Variants in NHSL1 observed in about 807,000 individuals in gnomAD.
NHSL1 encodes the protein NHS like 1.
NHSL1 carries 48 observed loss-of-function variants against 95.0 expected under a neutral mutation model. The observed-to-expected ratio is 0.51, with a 90% CI of 0.40 to 0.64. The LOEUF is 0.64. Among genes scored for constraint, NHSL1 ranks in the 30% least tolerant of loss-of-function variants. The pLI is 0.00. For synonymous variants in NHSL1, 783 were observed against 833.9 expected (o/e 0.94, Z 1.05); for missense variants, 1,971 against 2,077.7 (o/e 0.95, Z 1.00).
Position 138,430,926 on chromosome 6 carries a change from G to T in NHSL1, c.3419C>A (p.Thr1140Lys). ...QPASVTSSLP[T>K]PAKSSSQGDH... ...ACCCTGACTCGAGCTCTTGGCAGGC[G>T]TCGGAAGCGAGCTTGTCACAGAGGC... Residue 1140 changes from threonine (T) to lysine (K), a missense_variant, in exon 6 of 8, where the codon ACG (threonine) becomes AAG (lysine). Thr to Lys is a moderately conservative substitution (Grantham distance 78, BLOSUM62 -1). Coordinates refer to ENST00000343505, the MANE Select transcript of NHSL1 (RefSeq NM_001144060.2). The surrounding 1 kb of genome is among the most constrained non-coding windows in gnomAD (Gnocchi z 4.7). 8 of 1,551,562 alleles carry T rather than the reference G, an allele frequency of 5.2e-6. No homozygotes were observed. The highest frequency in any genetic ancestry group is 7.0e-6 in the Non-Finnish European group (8 of 1,146,878).
intron 1 of NHSL1, among the ~76,000 whole-genome samples, chr6:138,570,066 G>A (rs576434204): frequency 3.9e-5 from 6 of 152,274 alleles, no homozygotes; most frequent in Middle Eastern, 3.4e-3. Flanking sequence ...CAAGTCACAT[G>A]TACAGTATTT....
At chr6:138,653,975 C>T (rs1785124690) in intron 1 of NHSL1, among the ~76,000 whole-genome samples, 1 of 152,196 alleles carries the variant, frequency 6.6e-6, no homozygotes, top group South Asian at 2.1e-4. Flanking sequence ...ACAGCTCCCT[C>T]TATGCAAATA....
chr6:138,496,022 C>T (rs1173483872), intron 2 of NHSL1, among the ~76,000 whole-genome samples, 197 bp downstream of exon 2: 2 of 152,084 alleles, frequency 1.3e-5, no homozygotes, highest in Admixed American at 1.3e-4. Context: ...ATGGGAGCTA[C>T]AATTCAAGAT....
chr6:138,613,758 C>T (rs764742628), intron 1 of NHSL1, among the ~76,000 whole-genome samples: 8 of 152,142 alleles, frequency 5.3e-5, no homozygotes, highest in Non-Finnish European at 1.0e-4. Flanking sequence ...ATTTAAGTCC[C>T]TGGGCAGTAA....
At chr6:138,574,876 A>G (rs1783943261), upstream of NHSL1, among the ~76,000 whole-genome samples, 1 of 151,898 alleles carries the variant, frequency 6.6e-6, no homozygotes, top group South Asian at 2.1e-4. Context: ...AAAATAAAAA[A>G]TTATATATAT....
At chr6:138,456,473 C>G (rs1777618847) in intron 3 of NHSL1, among the ~76,000 whole-genome samples, 1 of 152,154 alleles carries the variant, frequency 6.6e-6, no homozygotes, top group South Asian at 2.1e-4. Flanking sequence ...TAACAGGAAA[C>G]AGGGAAATTT....
Position 138,431,837 on chromosome 6 carries a change from G to C in NHSL1, c.2508C>G (p.Ile836Met). 1 of 1,551,700 alleles carries C rather than the reference G, an allele frequency of 6.4e-7. No homozygotes were observed. The highest frequency in any genetic ancestry group is 8.7e-7 in the Non-Finnish European group (1 of 1,146,980). The stretch of plus-strand genomic sequence containing the variant: ...CTCTGTGTGACTTCTCTGGTGACAT[G>C]ATCTTTGGTTTGACTGAACCACCGG... Reference protein sequence around the residue: ...QVPGGSVKPKIMSPEKSHRVI... With the variant: ...QVPGGSVKPKMMSPEKSHRVI... Residue 836 changes from isoleucine to methionine, a missense_variant, in exon 6 of 8, where the codon ATC becomes ATG. Transcript: ENST00000343505. The surrounding 1 kb of genome is among the most constrained non-coding windows in gnomAD (Gnocchi z 4.0).
chr6:138,432,776 G>C lies in NHSL1; in HGVS notation c.1569C>G (p.Asn523Lys). 6.4e-7 allele frequency: 1 copy of C among 1,551,694 alleles called. No homozygotes were observed. Among genetic ancestry groups the C allele is most frequent in the Non-Finnish European group, 8.7e-7 (1 of 1,147,002 alleles). Reference sequence around the variant, plus strand: ...CTTGGGGGTGGGCTGGGAAGGCCAGGTTGTTTCTACAATTATACGGCATAG... The same window carrying C: ...CTTGGGGGTGGGCTGGGAAGGCCAGCTTGTTTCTACAATTATACGGCATAG... The part of the protein sequence containing the change: ...SQAMPYNCRN[N>K]LAFPAHPQDV... Residue 523 changes from asparagine to lysine, a missense_variant, in exon 6 of 8, where the codon AAC (asparagine) becomes AAG (lysine). By Grantham distance (94) the Asn-to-Lys change is moderately conservative. This residue lies in a region of NHSL1 where 1,602 missense variants were observed against 1,654.5 expected (regional missense o/e 0.97). Coordinates refer to ENST00000343505, the MANE Select transcript of NHSL1 (RefSeq NM_001144060.2). This position sits in a 1 kb window ranked among gnomAD's most constrained non-coding sequence, Gnocchi z 4.4.
chr6:138,611,202 A>C (rs1210558974), intron 1 of NHSL1, among the ~76,000 whole-genome samples: 1 of 152,228 alleles, frequency 6.6e-6, no homozygotes, highest in Non-Finnish European at 1.5e-5. Flanking sequence ...ATGAATGCTT[A>C]GTAGGAAACC....
chr6:138,526,093 CA>C lies in NHSL1; in HGVS notation c.16+19529del, dbSNP rs10681744. 6.7e-3 allele frequency among the ~76,000 whole-genome samples: 738 copies of C among 109,792 alleles called. 6 individuals are homozygous for C. Among genetic ancestry groups the C allele is most frequent in the African/African-American group, 0.019 (571 of 30,206 alleles). The allele number at this position is 109,792 out of a possible 152,430, so 72.0% of individuals were successfully genotyped here. ...GAGCAACAGAGCGAGACTCTGTCTC[CA>C]AAAAAAAAAAAAAAGAAAATATTTG... On this transcript the variant is annotated intron_variant, in intron 1 of 4. Transcript: ENST00000342260.
At chr6:138,559,069 A>G (rs1438464266) in intron 1 of NHSL1, among the ~76,000 whole-genome samples, 1 of 152,114 alleles carries the variant, frequency 6.6e-6, no homozygotes, top group Non-Finnish European at 1.5e-5. Context: ...AAAAAAAAAA[A>G]AGAAAACCAC....
At chr6:138,557,858 C>G (rs1783250197) in intron 1 of NHSL1, among the ~76,000 whole-genome samples, 2 of 152,298 alleles carry the variant, frequency 1.3e-5, no homozygotes, top group South Asian at 4.1e-4. Flanking sequence ...CAGAACTATC[C>G]TTACGATGAA....
chr6:138,662,142 T>C (rs537509807), intron 1 of NHSL1, among the ~76,000 whole-genome samples: 3 of 137,108 alleles, frequency 2.2e-5, no homozygotes, highest in Non-Finnish European at 3.2e-5. Flanking sequence ...AAGCTTTTTT[T>C]CAGAAAAAAA....
chr6:138,436,062 T>A (rs1776077791), intron 5 of NHSL1, among the ~76,000 whole-genome samples: 1 of 152,164 alleles, frequency 6.6e-6, no homozygotes, highest in South Asian at 2.1e-4. Flanking sequence ...GCTTCTCTAT[T>A]CCCTGAGATA....
chr6:138,518,057 G>T (rs1354050180), intron 1 of NHSL1, among the ~76,000 whole-genome samples: 1 of 152,190 alleles, frequency 6.6e-6, no homozygotes, highest in African/African-American at 2.4e-5. Flanking sequence ...AGTGGGACAG[G>T]ACTGGAGTGA....
intron 1 of NHSL1, among the ~76,000 whole-genome samples, chr6:138,556,846 T>C (rs1253548211): frequency 6.6e-6 from 1 of 152,098 alleles, no homozygotes; most frequent in African/African-American, 2.4e-5. Context: ...TTTTTAAATA[T>C]AGAGGATACA....
At chr6:138,644,468 A>G (rs1456322754) in intron 1 of NHSL1, among the ~76,000 whole-genome samples, 1 of 152,210 alleles carries the variant, frequency 6.6e-6, no homozygotes, top group East Asian at 1.9e-4. Flanking sequence ...GTGCCACTGC[A>G]CTCTAGCCTG....
chr6:138,547,095 A>G (rs986812661), upstream of NHSL1, among the ~76,000 whole-genome samples: 2 of 152,148 alleles, frequency 1.3e-5, no homozygotes, highest in Admixed American at 6.5e-5. Context: ...GAACCAATCT[A>G]TCTATCTGTC....
intron 1 of NHSL1, among the ~76,000 whole-genome samples, chr6:138,636,838 A>C (rs575805590): frequency 8.1e-4 from 123 of 152,354 alleles, no homozygotes; most frequent in African/African-American, 2.8e-3. Flanking sequence ...CACACTATCC[A>C]AAGCAATGTA....
Sources: allele counts gnomAD v4.1 joint callset (sites outside exome capture counted in the v4.1 genomes callset), GRCh38; gene constraint gnomAD v4.1.1; regional missense constraint gnomAD v4.1.1; non-coding constraint Gnocchi (gnomAD v3.1); transcripts MANE v1.5; gene names NCBI Gene and HGNC (gene_info 2026-07-23, HGNC 2026-07-21).